Variants in CCDC15 observed in about 807,000 individuals in gnomAD.
CCDC15 encodes coiled-coil domain containing 15.
Under a neutral mutation model 114.5 loss-of-function variants are expected in CCDC15, and 105 were observed. The observed-to-expected ratio is 0.92, with a 90% CI of 0.78 to 1.08. The LOEUF (loss-of-function observed/expected upper bound fraction) is 1.08, where lower values mean the gene tolerates loss of function less well. Ranked by LOEUF, CCDC15 falls within the 50% of genes least tolerant of loss-of-function variation. CCDC15 has a pLI of 0.00. For missense variants in CCDC15, 1,105 were observed against 1,093.6 expected (o/e 1.01, Z -0.15); for synonymous variants, 334 against 377.8 (o/e 0.88, Z 1.34).
intron 4 of CCDC15, among the ~76,000 whole-genome samples, chr11:124,964,748 G>T (rs1947740145): frequency 6.6e-6 from 1 of 152,132 alleles, no homozygotes; most frequent in Non-Finnish European, 1.5e-5. Flanking sequence ...TCCAGTTTTT[G>T]CCCATTCAGT....
Position 124,959,717 on chromosome 11 carries a change from C to G in CCDC15, c.328-98C>G. ...CAGCTAAAGCCTCTCCCCTGCCCCC[C>G]ACCCCAATTTAAAATCTTCTGAACT... On this transcript the variant is annotated intron_variant, in intron 3 of 15. Transcript: ENST00000344762. 4.9e-6 allele frequency: 3 copies of G among 615,980 alleles called. No homozygotes were observed. The South Asian group carries it at 9.6e-5, about 20-fold the overall frequency. The allele number at this position is 615,980 out of a possible 1,614,324, so 38.2% of individuals were successfully genotyped here.
At chr11:125,009,110 C>A (rs563965747) in intron 13 of CCDC15, among the ~76,000 whole-genome samples, 38 of 151,318 alleles carry the variant, frequency 2.5e-4, no homozygotes, top group African/African-American at 9.2e-4. Flanking sequence ...CCTTGTAATC[C>A]CAGCTACTCG....
Position 125,035,924 on chromosome 11 carries a change from T to C in CCDC15, c.2412-2507T>C, listed in dbSNP as rs558265935. On this transcript the variant is annotated intron_variant, in intron 13 of 15. Coordinates refer to ENST00000344762, the MANE Select transcript of CCDC15 (RefSeq NM_025004.3). ...AACTTTTTATTGTTTCTACTTATAT[T>C]TTATTGTACTATGTCTTGAAAAGTT... 1.8e-3 allele frequency among the ~76,000 whole-genome samples: 276 copies of C among 152,190 alleles called. 1 individual carries two copies. The highest frequency in any genetic ancestry group is 5.2e-3 in the African/African-American group (215 of 41,532).
intron 13 of CCDC15, among the ~76,000 whole-genome samples, chr11:125,026,680 A>G (rs1009683598): frequency 5.3e-5 from 8 of 151,730 alleles, no homozygotes; most frequent in Admixed American, 2.6e-4. Flanking sequence ...AACTCTTCTC[A>G]CCTCCAGCCC....
intron 2 of CCDC15, among the ~76,000 whole-genome samples, chr11:124,958,216 C>G (rs967750959): frequency 7.9e-5 from 12 of 152,190 alleles, no homozygotes; most frequent in Non-Finnish European, 1.2e-4. Context: ...AAATGCAGAT[C>G]AAGAACTCAA....
intron 15 of CCDC15, 86 bp downstream of exon 15, chr11:125,039,155 G>A: frequency 7.8e-7 from 1 of 1,281,778 alleles, no homozygotes; most frequent in Non-Finnish European, 1.1e-6. Context: ...ACCATTTATT[G>A]AGTGCTTACT....
chr11:124,990,371 A>G (rs1358728736), intron 8 of CCDC15, among the ~76,000 whole-genome samples: 1 of 152,216 alleles, frequency 6.6e-6, no homozygotes, highest in Admixed American at 6.5e-5. Context: ...TAGTAATGGA[A>G]AAGTCTGAAC....
intron 13 of CCDC15, among the ~76,000 whole-genome samples, chr11:125,006,230 G>A (rs547344507): frequency 2.0e-5 from 3 of 152,220 alleles, no homozygotes; most frequent in African/African-American, 7.2e-5. Context: ...AACATTTGGT[G>A]GTGTCAGTAT....
intron 4 of CCDC15, among the ~76,000 whole-genome samples, chr11:124,970,882 A>G (rs1947865985): frequency 6.6e-6 from 1 of 152,220 alleles, no homozygotes; most frequent in African/African-American, 2.4e-5. Context: ...CTCAAAATTT[A>G]TATATTACAA....
At chr11:124,973,546 G>A (rs545615378) in intron 4 of CCDC15, among the ~76,000 whole-genome samples, 1 of 151,918 alleles carries the variant, frequency 6.6e-6, no homozygotes, top group East Asian at 1.9e-4. Context: ...TTAAATAGAG[G>A]TGATGTGCTG....
chr11:124,996,082 A>G (rs2135500792), intron 11 of CCDC15, among the ~76,000 whole-genome samples: 1 of 151,940 alleles, frequency 6.6e-6, no homozygotes. Context: ...CTCCCACCTG[A>G]GCCTCCCAAA....
rs1948686186 is a variant in CCDC15 at position 125,025,015 on chromosome 11, T to C, written c.2412-13416T>C. ...TGTCAAATTCATATATATATGAATA[T>C]ATATATGAATATATATATGAATACA... On this transcript the variant is annotated intron_variant, in intron 13 of 15. Coordinates refer to ENST00000344762, the MANE Select transcript of CCDC15 (RefSeq NM_025004.3). Among the ~76,000 whole-genome samples the C allele has an allele frequency of 5.6e-5, 8 of 142,588 alleles. No individual in the cohort carries two copies. In the South Asian group the frequency reaches 1.7e-3, roughly 31 times the overall value. The allele number at this position is 142,588 out of a possible 152,430, so 93.5% of individuals were successfully genotyped here. A position where few individuals can be genotyped will look rare whatever the true frequency, so the allele number is the denominator to read the frequency against.
chr11:124,973,356 T>C lies in CCDC15; in HGVS notation c.517-1740T>C, dbSNP rs181878427. On this transcript the variant is annotated intron_variant, in intron 4 of 15. Transcript: ENST00000344762. ...AAGGAGGCATAGTCATGGGGCTATT[T>C]TTTTTTTTTTATAATTTCAACTACA... Among the ~76,000 whole-genome samples the C allele has an allele frequency of 1.4e-4, 21 of 151,910 alleles. No individual in the cohort carries two copies. In the East Asian group the frequency reaches 3.5e-3, roughly 25 times the overall value.
intron 4 of CCDC15, among the ~76,000 whole-genome samples, chr11:124,965,903 G>A (rs962300473): frequency 1.2e-4 from 19 of 152,276 alleles, no homozygotes; most frequent in South Asian, 8.3e-4. Context: ...TATTTACCCA[G>A]TAGTCATTCA....
intron 8 of CCDC15, among the ~76,000 whole-genome samples, chr11:124,990,895 G>C (rs969982886): frequency 6.6e-6 from 1 of 152,188 alleles, no homozygotes; most frequent in Admixed American, 6.5e-5. Flanking sequence ...AGACTAAAAG[G>C]AAGAAGAAAG....
intron 6 of CCDC15, among the ~76,000 whole-genome samples, chr11:124,983,942 C>T (rs1437715534): frequency 6.6e-6 from 1 of 152,124 alleles, no homozygotes; most frequent in African/African-American, 2.4e-5. Flanking sequence ...GCAGTGTCAG[C>T]ATGTCATGGG....
chr11:124,965,698 T>C (rs542483752), intron 4 of CCDC15, among the ~76,000 whole-genome samples: 6 of 151,994 alleles, frequency 3.9e-5, no homozygotes, highest in Non-Finnish European at 7.4e-5. Flanking sequence ...GAATTTGTTT[T>C]CTCTTGCTTC....
At chr11:124,960,210 A>G (rs1268705961) in intron 4 of CCDC15, among the ~76,000 whole-genome samples, 1 of 149,496 alleles carries the variant, frequency 6.7e-6, no homozygotes, top group Non-Finnish European at 1.5e-5. Context: ...ATTTAAATTC[A>G]TTTGTGTTTG....
chr11:124,997,595 T>C (rs1948395219), intron 11 of CCDC15, among the ~76,000 whole-genome samples: 1 of 152,180 alleles, frequency 6.6e-6, no homozygotes, highest in African/African-American at 2.4e-5. Flanking sequence ...GGCCATCATT[T>C]TAGAGAATAT....
Sources: gnomAD v4.1 joint callset for allele counts (sites outside exome capture counted in the v4.1 genomes callset) on GRCh38, gnomAD v4.1.1 for gene constraint, MANE v1.5 for transcripts, NCBI Gene and HGNC (gene_info 2026-07-23, HGNC 2026-07-21) for gene names.